Variants in SH3BGR observed in about 807,000 individuals in gnomAD.
SH3BGR encodes the protein SH3 domain binding glutamate rich protein.
A neutral mutation model predicts 24.5 loss-of-function variants in SH3BGR; 29 were observed. The ratio of observed to expected loss-of-function variants is 1.18; its 90% CI spans 0.88 to 1.61. The LOEUF (loss-of-function observed/expected upper bound fraction) is 1.61. Ranked by LOEUF, SH3BGR falls within the 40% of genes most tolerant of loss-of-function variation. The probability of loss-of-function intolerance (pLI) is 0.00; values close to 1 mark genes in which losing one functional copy is unlikely to be tolerated. For synonymous variants in SH3BGR, 55 were observed against 65.7 expected (o/e 0.84, Z 0.79); for missense variants, 162 against 205.8 (o/e 0.79, Z 1.30).
At chr21:39,492,475 T>TA (rs1569167765) in intron 3 of SH3BGR, among the ~76,000 whole-genome samples, 1 of 119,848 alleles carries the variant, frequency 8.3e-6, no homozygotes, top group Non-Finnish European at 1.9e-5. Flanking sequence ...TGTATATATA[T>TA]ATATATACAC....
chr21:39,457,250 A>ATGAT lies in SH3BGR; in HGVS notation c.45+5110_45+5111insGATT, dbSNP rs201996141. Among the ~76,000 whole-genome samples, 378 of 116,006 alleles carry ATGAT rather than the reference A, an allele frequency of 3.3e-3. 3 individuals carry two copies. Among genetic ancestry groups the ATGAT allele is most frequent in the African/African-American group, 0.011 (347 of 31,514 alleles). The allele number at this position is 116,006 out of a possible 152,430, so 76.1% of individuals were successfully genotyped here. On this transcript the variant is annotated intron_variant, in intron 1 of 6. Transcript: ENST00000333634. ...TATAGTTAAATATAAAAATCTTATT[A>ATGAT]TATTATATTGTTATATATAAAAGTC...
chr21:39,484,417 T>C (rs773355404), intron 3 of SH3BGR, among the ~76,000 whole-genome samples: 1 of 152,244 alleles, frequency 6.6e-6, no homozygotes, highest in Non-Finnish European at 1.5e-5. Flanking sequence ...GTTTGTTTAT[T>C]GTAACTTGCT....
intron 3 of SH3BGR, among the ~76,000 whole-genome samples, chr21:39,496,393 G>A (rs960755679): frequency 5.9e-5 from 9 of 151,576 alleles, no homozygotes; most frequent in African/African-American, 1.9e-4. Flanking sequence ...CCAGCTACTC[G>A]GGAGGCTGAG....
rs372897586 is a variant in SH3BGR at position 39,499,926 on chromosome 21, G to C, written c.405+11G>C. ...GCCCAGGAGAAGAATGTGAGTTTTC[G>C]CTTTTTCACAGCAGTTTGACTGGAT... On this transcript the variant is annotated intron_variant, in intron 4 of 6. Coordinates refer to ENST00000333634, the MANE Select transcript of SH3BGR (RefSeq NM_007341.3). The C allele has an allele frequency of 6.3e-7, 1 of 1,589,366 alleles. No homozygotes were observed. The highest frequency in any genetic ancestry group is 1.1e-5 in the South Asian group (1 of 90,446).
chr21:39,488,412 GC>G, intron 3 of SH3BGR: 1 of 229,662 alleles, frequency 4.4e-6, no homozygotes, highest in Non-Finnish European at 9.2e-6. Context: ...GGCCCTTACA[GC>G]CAGTATGGGG....
rs753526854 is a variant in SH3BGR, at chr21:39,509,111, G to A, written c.435+84G>A. The A allele has an allele frequency of 5.9e-5, 66 of 1,112,138 alleles. No individual in the cohort carries two copies. In the East Asian group the frequency reaches 6.0e-4, roughly 10 times the overall value. 68.9% of individuals were successfully genotyped at this position (1,112,138 alleles called of 1,614,324 possible). On this transcript the variant is annotated intron_variant, in intron 5 of 6. Transcript: ENST00000333634. ...GTGGGAGGATTGCAGCTTGAGGCAC[G>A]TTCTTAATAACATAAGAGAGCGATG...
chr21:39,447,963 C>T (rs1276336895), upstream of SH3BGR, among the ~76,000 whole-genome samples: 1 of 152,298 alleles, frequency 6.6e-6, no homozygotes, highest in South Asian at 2.1e-4. Context: ...ACCAAGTTGT[C>T]TGAAAGTCCA....
chr21:39,447,645 C>T (rs2077522233), upstream of SH3BGR, among the ~76,000 whole-genome samples: 1 of 152,028 alleles, frequency 6.6e-6, no homozygotes. Context: ...CCTTGAACTC[C>T]TGACCTCAAG....
At chr21:39,495,788 G>A (rs1158595632) in intron 3 of SH3BGR, among the ~76,000 whole-genome samples, 1 of 152,086 alleles carries the variant, frequency 6.6e-6, no homozygotes, top group Non-Finnish European at 1.5e-5. Flanking sequence ...CTTCTGAAAA[G>A]TCTAAATAAA....
chr21:39,471,850 G>T (rs187180239), intron 2 of SH3BGR, among the ~76,000 whole-genome samples: 2 of 152,038 alleles, frequency 1.3e-5, no homozygotes, highest in Admixed American at 1.3e-4. Context: ...TTACAATTCC[G>T]CTATTATATC....
intron 2 of SH3BGR, among the ~76,000 whole-genome samples, chr21:39,471,986 T>C (rs1162832156): frequency 6.6e-6 from 1 of 152,240 alleles, no homozygotes; most frequent in Non-Finnish European, 1.5e-5. Context: ...CTGTTTTATA[T>C]TCTTTGCCTG....
At chr21:39,510,946 T>TATATATATATATAC (rs1296625247) in intron 5 of SH3BGR, among the ~76,000 whole-genome samples, 1 of 139,586 alleles carries the variant, frequency 7.2e-6, no homozygotes, top group South Asian at 2.3e-4. Context: ...TATATATATA[T>TATATATATATATAC]ACTTTCTGAA....
intron 3 of SH3BGR, among the ~76,000 whole-genome samples, chr21:39,478,942 A>G (rs1460356075): frequency 6.6e-6 from 1 of 152,116 alleles, no homozygotes; most frequent in Non-Finnish European, 1.5e-5. Context: ...GTTTTCTTTT[A>G]CATCTTCTTC....
chr21:39,450,128 G>A (rs1284829571), upstream of SH3BGR, among the ~76,000 whole-genome samples: 1 of 152,108 alleles, frequency 6.6e-6, no homozygotes, highest in Non-Finnish European at 1.5e-5. Context: ...TGCTTATGTG[G>A]CAGACTTTAA....
At chr21:39,506,072 T>C (rs371435251) in intron 4 of SH3BGR, among the ~76,000 whole-genome samples, 208 of 152,334 alleles carry the variant, frequency 1.4e-3, no homozygotes, top group African/African-American at 4.9e-3. Context: ...TGTGTTCTTC[T>C]ATCCAATCAC....
At chr21:39,452,575 C>T (rs1463541206) in intron 1 of SH3BGR, among the ~76,000 whole-genome samples, 1 of 152,168 alleles carries the variant, frequency 6.6e-6, no homozygotes, top group Non-Finnish European at 1.5e-5. Flanking sequence ...GGTGTAATCA[C>T]TTGTATATGC....
At chr21:39,479,262 G>GTAGTGATGGTGGTGA (rs2078086420) in intron 3 of SH3BGR, among the ~76,000 whole-genome samples, 1 of 149,844 alleles carries the variant, frequency 6.7e-6, no homozygotes. Flanking sequence ...GGTGGTGATG[G>GTAGTGATGGTGGTGA]TAGTGCTGGT....
chr21:39,488,120 C>T (rs572038521), intron 3 of SH3BGR, among the ~76,000 whole-genome samples: 17 of 152,282 alleles, frequency 1.1e-4, no homozygotes, highest in African/African-American at 3.6e-4. Flanking sequence ...GGCTAGTAGT[C>T]TCAGGAAGCC....
upstream of SH3BGR, among the ~76,000 whole-genome samples, chr21:39,447,442 G>A (rs1167321001): frequency 1.7e-5 from 2 of 118,566 alleles, no homozygotes; most frequent in African/African-American, 6.7e-5. Flanking sequence ...TTTTTGAGAC[G>A]TATCACTCTA....
Sources: allele counts gnomAD v4.1 joint callset (sites outside exome capture counted in the v4.1 genomes callset), GRCh38; gene constraint gnomAD v4.1.1; transcripts MANE v1.5; gene names NCBI Gene and HGNC (gene_info 2026-07-23, HGNC 2026-07-21).